Variants in XDH observed in about 807,000 individuals in gnomAD.
XDH encodes xanthine dehydrogenase/oxidase.
Under a neutral mutation model 156.1 loss-of-function variants are expected in XDH, and 138 were observed. The ratio of observed to expected loss-of-function variants is 0.88; its 90% CI spans 0.77 to 1.02. The LOEUF (loss-of-function observed/expected upper bound fraction) is 1.02. Among genes scored for constraint, XDH ranks in the 50% least tolerant of loss-of-function variants. XDH has a pLI of 0.00. For missense variants in XDH, 1,849 were observed against 1,684.9 expected, an observed-to-expected ratio of 1.10 and a Z score of -1.71; for synonymous variants, 669 against 625.7, an observed-to-expected ratio of 1.07 and a Z score of -1.03.
chr2:31,361,109 C>T (rs1685765235), intron 24 of XDH, among the ~76,000 whole-genome samples: 2 of 152,348 alleles, frequency 1.3e-5, no homozygotes, highest in South Asian at 4.1e-4. Flanking sequence ...CTTCACCAGG[C>T]TTGCCTTGAT....
chr2:31,370,297 C>G lies in XDH; in HGVS notation c.1980+58G>C, dbSNP rs1686037344. ...GATCAGGAGTTTGGAGCAATGTACA[C>G]AAATTAAAACTTCAATACTTATTCA... is the stretch of plus-strand genomic sequence containing the variant. On this transcript the variant is annotated intron_variant, in intron 18 of 35. Transcript: ENST00000379416. 8.8e-6 allele frequency: 14 copies of G among 1,592,232 alleles called. No individual in the cohort carries two copies. In the East Asian group the frequency reaches 3.1e-4, roughly 36 times the overall value.
At position 31,334,628 on chromosome 2, in the gene XDH, A is replaced by G. The variant is rs1684927970; in HGVS notation, c.*1330T>C. The stretch of plus-strand genomic sequence containing the variant: ...ACAGTAAGAAAACCAAGCCTTAGAT[A>G]GCTGCAGATCCTTTATGTAACTGGA... On this transcript the variant is annotated 3_prime_UTR_variant, in exon 36 of 36. Coordinates refer to ENST00000379416, the MANE Select transcript of XDH (RefSeq NM_000379.4). 1 of 152,208 alleles carries G rather than the reference A, an allele frequency of 6.6e-6. No individual in the cohort carries two copies. The highest frequency in any genetic ancestry group is 2.4e-5 in the African/African-American group (1 of 41,464). 9.4% of individuals were successfully genotyped at this position (152,208 alleles called of 1,614,324 possible).
In XDH at chr2:31,366,091, A is replaced by T. The variant is rs749653994; in HGVS notation, c.2341T>A (p.Leu781Met). 2.8e-5 allele frequency: 45 copies of T among 1,614,078 alleles called. No individual in the cohort carries two copies. The East Asian group carries it at 9.8e-4, about 35-fold the overall frequency. The change falls in exon 22 of 36, where the codon TTG (leucine) becomes ATG (methionine). Residue 781 changes from leucine (L) to methionine (M), a missense_variant. Leu to Met is a conservative substitution (Grantham distance 15). Coordinates refer to ENST00000379416, the MANE Select transcript of XDH (RefSeq NM_000379.4). ...MKTQSFVAKM[L>M]GVPANRIVVR... ...ACAATCCGGTTTGCTGGAACCCCCA[A>T]CATTTTTGCAACAAAGCTCTGTGAG...
intron 24 of XDH, among the ~76,000 whole-genome samples, chr2:31,363,632 A>G (rs1339836424): frequency 6.6e-6 from 1 of 152,194 alleles, no homozygotes; most frequent in Non-Finnish European, 1.5e-5. Context: ...CTTCAATGAA[A>G]CCATTTTTTA....
At position 31,379,894 on chromosome 2, in the gene XDH, G is replaced by A. The variant is rs1686383864; in HGVS notation, c.1215C>T (p.Leu405=). 2.5e-6 allele frequency: 4 copies of A among 1,614,060 alleles called. No individual in the cohort carries two copies. Among genetic ancestry groups the A allele is most frequent in the African/African-American group, 1.3e-5 (1 of 74,912 alleles). ...CCCTGCTGTAGGGGATCTCTATGGA[G>A]AGCAGTATCTCCTCCGGGCTCAGCA... ...KTLLSPEEIL[L]SIEIPYSREG... is the part of the protein sequence containing the mutation. The change falls in exon 13 of 36, where the codon CTC becomes CTT. Residue 405 remains leucine, a synonymous_variant. Transcript: ENST00000379416.
chr2:31,347,822 G>A (rs901469959), intron 28 of XDH, among the ~76,000 whole-genome samples, 172 bp from the exon 29 acceptor site: 3 of 152,210 alleles, frequency 2.0e-5, no homozygotes, highest in Admixed American at 2.0e-4. Flanking sequence ...AGGAGCACTT[G>A]GTGGAGTTCG....
chr2:31,344,539 G>A (rs1685226990), intron 31 of XDH, 145 bp downstream of exon 31: 2 of 946,750 alleles, frequency 2.1e-6, no homozygotes, highest in Non-Finnish European at 3.3e-6. Context: ...AGCATCTTTA[G>A]ACTGAAATTA....
At chr2:31,343,537 G>GGCATATATATATGCCTTATATAAT (rs1685197942) in intron 31 of XDH, among the ~76,000 whole-genome samples, 1 of 141,064 alleles carries the variant, frequency 7.1e-6, no homozygotes, top group Non-Finnish European at 1.5e-5. Context: ...ATATGTATAA[G>GGCATATATATATGCCTTATATAAT]GCATATATAT....
In XDH at chr2:31,335,140, G is replaced by A. The variant is rs1288978952; in HGVS notation, c.*818C>T. The A allele has an allele frequency of 1.3e-5, 2 of 152,100 alleles. No individual in the cohort carries two copies. Among genetic ancestry groups the A allele is most frequent in the Non-Finnish European group, 2.9e-5 (2 of 68,050 alleles). 9.4% of individuals were successfully genotyped at this position (152,100 alleles called of 1,614,324 possible). A position where few individuals can be genotyped will look rare whatever the true frequency, so the allele number is the denominator to read the frequency against. ...CCTGCCTTAGCCTCCCAAAGTGCTG[G>A]GATTATAGGGGTGAGCCACCATGCC... On this transcript the variant is annotated 3_prime_UTR_variant, in exon 36 of 36. Transcript: ENST00000379416.
intron 24 of XDH, among the ~76,000 whole-genome samples, chr2:31,350,800 T>C (rs1572518842): frequency 6.6e-6 from 1 of 152,190 alleles, no homozygotes; most frequent in East Asian, 1.9e-4. Context: ...CTTTTAAAAA[T>C]TCATTGTAAA....
Position 31,341,349 on chromosome 2 carries a change from G to C in XDH, c.3565C>G (p.Pro1189Ala), listed in dbSNP as rs1404121619. The C allele has an allele frequency of 6.3e-6, 10 of 1,577,210 alleles. No homozygotes were observed. The highest frequency in any genetic ancestry group is 1.3e-5 in the African/African-American group (1 of 74,402). Reference sequence around the variant, plus strand: ...CTCACCTGTCCAATATCAATGGCAGGGTTTAGACTGGAGCCAACATCCATG... The same window carrying C: ...CTCACCTGTCCAATATCAATGGCAGCGTTTAGACTGGAGCCAACATCCATG... ...IVMDVGSSLNPAIDIGQVEGA... is the reference protein window; with the variant it reads ...IVMDVGSSLNAAIDIGQVEGA... The change falls in exon 33 of 36, where the codon CCT becomes GCT. Residue 1189 changes from proline (P) to alanine (A), a missense_variant. Transcript: ENST00000379416.
At chr2:31,354,141 G>T (rs941733684) in intron 24 of XDH, among the ~76,000 whole-genome samples, 3 of 151,280 alleles carry the variant, frequency 2.0e-5, no homozygotes, top group Non-Finnish European at 4.4e-5. Flanking sequence ...TCTCTGCCCA[G>T]AAGTAAGAAG....
intron 4 of XDH, among the ~76,000 whole-genome samples, chr2:31,400,728 G>A (rs1687034795): frequency 6.6e-6 from 1 of 152,220 alleles, no homozygotes; most frequent in Non-Finnish European, 1.5e-5. Context: ...CTAACCTCCA[G>A]TCTAATGAAA....
intron 24 of XDH, among the ~76,000 whole-genome samples, chr2:31,355,768 C>T (rs1250382099): frequency 6.6e-6 from 1 of 152,048 alleles, no homozygotes; most frequent in Non-Finnish European, 1.5e-5. Flanking sequence ...CAGTCTTATG[C>T]CTCAACACAT....
chr2:31,353,888 C>A (rs560303464), intron 24 of XDH, among the ~76,000 whole-genome samples: 13 of 152,100 alleles, frequency 8.5e-5, no homozygotes, highest in Admixed American at 7.9e-4. Context: ...GAGACCAGAT[C>A]GGGAGTCAAG....
At chr2:31,344,612 G>C in intron 31 of XDH, 72 bp downstream of exon 31, 1 of 1,559,588 alleles carries the variant, frequency 6.4e-7, no homozygotes, top group South Asian at 1.1e-5. Context: ...GGCAGGATTC[G>C]GTGCTGGAGT....
At chr2:31,401,072 T>A in intron 4 of XDH, 148 bp downstream of exon 4, 1 of 836,972 alleles carries the variant, frequency 1.2e-6, no homozygotes, top group Non-Finnish European at 2.0e-6. Flanking sequence ...CCAGAGGAGA[T>A]GGGGAGGTGG....
chr2:31,373,644 C>A (rs889728583), intron 16 of XDH, among the ~76,000 whole-genome samples: 1 of 151,906 alleles, frequency 6.6e-6, no homozygotes, highest in African/African-American at 2.4e-5. Flanking sequence ...GGAAGAGGGG[C>A]AGCTAAGAGT....
At chr2:31,390,110 C>A (rs1191633558) in intron 6 of XDH, among the ~76,000 whole-genome samples, 1 of 152,098 alleles carries the variant, frequency 6.6e-6, no homozygotes, top group African/African-American at 2.4e-5. Context: ...AGGTGTTGAC[C>A]CTTATGATAT....
Sources: gnomAD v4.1 joint callset for allele counts (sites outside exome capture counted in the v4.1 genomes callset) on GRCh38, gnomAD v4.1.1 for gene constraint, MANE v1.5 for transcripts, NCBI Gene and HGNC (gene_info 2026-07-23, HGNC 2026-07-21) for gene names.